Variants in CDH12 observed in about 807,000 individuals in gnomAD.
CDH12 encodes the protein cadherin-12.
A neutral mutation model predicts 74.1 loss-of-function variants in CDH12; 41 were observed. That is an observed-to-expected ratio of 0.55 (90% CI 0.43 to 0.72). The LOEUF (loss-of-function observed/expected upper bound fraction) is 0.72. Ranked by LOEUF, CDH12 falls within the 30% of genes least tolerant of loss-of-function variation. The pLI, the probability that CDH12 is intolerant of heterozygous loss-of-function variation, is 0.00. For missense variants in CDH12, 945 were observed against 977.2 expected (o/e 0.97, Z 0.44); for synonymous variants, 399 against 355.0 (o/e 1.12, Z -1.39).
At chr5:22,071,548 C>T (rs1418165131) in intron 5 of CDH12, among the ~76,000 whole-genome samples, 1 of 152,080 alleles carries the variant, frequency 6.6e-6, no homozygotes, top group African/African-American at 2.4e-5. Flanking sequence ...GACACTAATG[C>T]TTGCCTTTTG....
At chr5:22,013,550 T>G (rs1050528302) in intron 5 of CDH12, among the ~76,000 whole-genome samples, 1 of 152,194 alleles carries the variant, frequency 6.6e-6, no homozygotes, top group Non-Finnish European at 1.5e-5. Flanking sequence ...TCTCTAAATA[T>G]CTATGCAATT....
chr5:22,263,420 A>T (rs1753594221), intron 3 of CDH12, among the ~76,000 whole-genome samples: 1 of 152,130 alleles, frequency 6.6e-6, no homozygotes, highest in Admixed American at 6.6e-5. Context: ...CATTCTGGAG[A>T]ATGCAGGAGA....
chr5:22,752,534 A>G (rs1011702758), intron 1 of CDH12, among the ~76,000 whole-genome samples: 6 of 137,474 alleles, frequency 4.4e-5, no homozygotes, highest in Admixed American at 4.3e-4. Flanking sequence ...AAGAAAGCAG[A>G]TAGGATACTT....
At chr5:22,451,937 A>G (rs1745059653) in intron 2 of CDH12, among the ~76,000 whole-genome samples, 2 of 151,930 alleles carry the variant, frequency 1.3e-5, no homozygotes, top group African/African-American at 4.8e-5. Flanking sequence ...TTACCAGTGA[A>G]CTATCTGAAC....
intron 1 of CDH12, among the ~76,000 whole-genome samples, chr5:22,808,708 G>A (rs1393718060): frequency 1.3e-4 from 19 of 141,698 alleles, no homozygotes; most frequent in Non-Finnish European, 2.4e-4. Flanking sequence ...GGGTTCAAGC[G>A]AATCTCCTGC....
intron 1 of CDH12, among the ~76,000 whole-genome samples, chr5:22,674,272 T>C (rs1741052540): frequency 6.6e-6 from 1 of 152,146 alleles, no homozygotes; most frequent in Non-Finnish European, 1.5e-5. Context: ...GTCTTTTCCG[T>C]GCTGTTCTCA....
At chr5:22,374,954 T>C (rs1301489020) in intron 3 of CDH12, among the ~76,000 whole-genome samples, 7 of 151,496 alleles carry the variant, frequency 4.6e-5, no homozygotes, top group Non-Finnish European at 7.4e-5. Flanking sequence ...TTAAAAAAAA[T>C]CCTAAAATTT....
intron 1 of CDH12, among the ~76,000 whole-genome samples, chr5:22,722,658 A>G (rs1024377869): frequency 6.6e-6 from 1 of 152,246 alleles, no homozygotes; most frequent in African/African-American, 2.4e-5. Context: ...TGTCTTGCCA[A>G]ATATGCGTAC....
intron 1 of CDH12, among the ~76,000 whole-genome samples, chr5:22,684,565 G>A (rs1741660787): frequency 6.6e-6 from 1 of 152,188 alleles, no homozygotes; most frequent in Non-Finnish European, 1.5e-5. Context: ...TCCAGGTAAA[G>A]CATAAAAGAT....
chr5:22,815,999 T>C (rs1749378255), intron 1 of CDH12, among the ~76,000 whole-genome samples: 1 of 152,052 alleles, frequency 6.6e-6, no homozygotes, highest in Non-Finnish European at 1.5e-5. Flanking sequence ...ACTGTGTGGC[T>C]AGAGCTTAGG....
intron 1 of CDH12, among the ~76,000 whole-genome samples, chr5:22,571,865 A>G (rs767334857): frequency 2.0e-5 from 3 of 152,208 alleles, no homozygotes; most frequent in African/African-American, 7.2e-5. Flanking sequence ...ATGGCACTAC[A>G]AAACTATTAC....
chr5:21,823,185 A>G (rs1447066869), intron 8 of CDH12, among the ~76,000 whole-genome samples: 1 of 152,072 alleles, frequency 6.6e-6, no homozygotes, highest in African/African-American at 2.4e-5. Flanking sequence ...AAAATAGCAG[A>G]AAAAAACACC....
chr5:22,817,523 G>A, intron 1 of CDH12, among the ~76,000 whole-genome samples: 1 of 151,866 alleles, frequency 6.6e-6, no homozygotes, highest in East Asian at 1.9e-4. Flanking sequence ...GTATATAATT[G>A]TGTATTTATA....
At chr5:22,574,844 CT>C (rs1408234654) in intron 1 of CDH12, among the ~76,000 whole-genome samples, 1 of 152,048 alleles carries the variant, frequency 6.6e-6, no homozygotes, top group Non-Finnish European at 1.5e-5. Flanking sequence ...AATGAGTGTA[CT>C]TTGTGATGTT....
At chr5:22,294,091 T>C (rs1397868549) in intron 3 of CDH12, among the ~76,000 whole-genome samples, 1 of 152,022 alleles carries the variant, frequency 6.6e-6, no homozygotes, top group Non-Finnish European at 1.5e-5. Context: ...GACAAATACA[T>C]ATAATTTTGT....
In CDH12 at chr5:22,191,554, CTTTTTATTTTTATTTTT is replaced by C. The variant is rs1423648240; in HGVS notation, c.-187+20927_-187+20943del. Among the ~76,000 whole-genome samples, 7 of 55,202 alleles carry C rather than the reference CTTTTTATTTTTATTTTT, an allele frequency of 1.3e-4. 1 individual carries two copies. Among genetic ancestry groups the C allele is most frequent in the Admixed American group, 7.0e-4 (2 of 2,874 alleles). The allele number at this position is 55,202 out of a possible 152,430, so 36.2% of individuals were successfully genotyped here. ...TAAGTTGTCTATATACACCAATGGT[CTTTTTATTTTTATTTTT>C]TTTTTTTTTTTGAGACGGAGTCTCG... On this transcript the variant is annotated intron_variant, in intron 4 of 14. Coordinates refer to ENST00000382254, the MANE Select transcript of CDH12 (RefSeq NM_004061.5).
chr5:21,988,518 A>C lies in CDH12; in HGVS notation c.232-13133T>G, dbSNP rs1402126926. Among the ~76,000 whole-genome samples the C allele has an allele frequency of 2.0e-5, 3 of 149,774 alleles. No homozygotes were observed. In the South Asian group the frequency reaches 6.3e-4, roughly 31 times the overall value. ...AAAAAAAAAAAAAAAAAAAAAAAAAAAAATGCCTACAGTAGATTAGAAATA... is the reference window on the plus strand; with the variant it reads ...AAAAAAAAAAAAAAAAAAAAAAAAACAAATGCCTACAGTAGATTAGAAATA... On this transcript the variant is annotated intron_variant, in intron 5 of 14. Transcript: ENST00000382254.
intron 1 of CDH12, among the ~76,000 whole-genome samples, chr5:22,607,132 G>C (rs955289094): frequency 3.3e-5 from 5 of 152,140 alleles, no homozygotes; most frequent in Admixed American, 6.5e-5. Flanking sequence ...GAGCATAAAC[G>C]TTTGGAAAAT....
At position 22,274,745 on chromosome 5, in the gene CDH12, T is replaced by C. The variant is rs117030173; in HGVS notation, c.-332-62102A>G. Among the ~76,000 whole-genome samples the C allele has an allele frequency of 5.3e-5, 8 of 152,198 alleles. No homozygotes were observed. The East Asian group carries it at 1.5e-3, about 29-fold the overall frequency. On this transcript the variant is annotated intron_variant, in intron 3 of 14. Coordinates refer to ENST00000382254, the MANE Select transcript of CDH12 (RefSeq NM_004061.5). ...AAGAGTCTTTATTTTAGAGATAAAA[T>C]AGGGGTAAGCCTTTATTGTCTTACT... is the stretch of plus-strand genomic sequence containing the variant.
Sources: gnomAD v4.1 joint callset for allele counts (sites outside exome capture counted in the v4.1 genomes callset) on GRCh38, gnomAD v4.1.1 for gene constraint, MANE v1.5 for transcripts, NCBI Gene and HGNC (gene_info 2026-07-23, HGNC 2026-07-21) for gene names.